SNX24: variants seen among roughly 807,000 people sequenced by gnomAD.
SNX24 encodes the protein sorting nexin-24.
Under a neutral mutation model 28.7 loss-of-function variants are expected in SNX24, and 22 were observed. That is an observed-to-expected ratio of 0.77 (90% CI 0.55 to 1.10). The LOEUF is 1.10. SNX24 is among the 50% of genes least tolerant of loss of function. SNX24 has a pLI of 0.00. For missense variants in SNX24, 221 were observed against 201.1 expected (o/e 1.10, Z -0.60); for synonymous variants, 69 against 71.5 (o/e 0.96, Z 0.18).
At chr5:122,994,066 G>A (rs1761964686) in intron 3 of SNX24, among the ~76,000 whole-genome samples, 1 of 152,162 alleles carries the variant, frequency 6.6e-6, no homozygotes, top group Non-Finnish European at 1.5e-5. Context: ...GTGTGTGTGT[G>A]TATGTGTTTT....
intron 1 of SNX24, among the ~76,000 whole-genome samples, chr5:122,858,252 G>C (rs1278377434): frequency 6.6e-6 from 1 of 152,140 alleles, no homozygotes; most frequent in Non-Finnish European, 1.5e-5. Flanking sequence ...AAATAATAAT[G>C]GAAGAGTTTT....
chr5:122,958,811 C>T (rs572393345), intron 3 of SNX24, among the ~76,000 whole-genome samples: 1 of 152,222 alleles, frequency 6.6e-6, no homozygotes, highest in Non-Finnish European at 1.5e-5. Flanking sequence ...CTGCCTGCCT[C>T]AGCCTTCTAA....
At chr5:123,010,445 C>T (rs370558866), downstream of SNX24, among the ~76,000 whole-genome samples, 9 of 152,124 alleles carry the variant, frequency 5.9e-5, no homozygotes, top group South Asian at 4.2e-4. Flanking sequence ...CATGCCACCA[C>T]GCCTGGCTAA....
chr5:122,850,425 G>C (rs189778053), intron 1 of SNX24, among the ~76,000 whole-genome samples: 1 of 152,282 alleles, frequency 6.6e-6, no homozygotes, highest in Non-Finnish European at 1.5e-5. Flanking sequence ...TAGAATTTCA[G>C]CATGAGAATT....
chr5:122,864,447 G>C (rs899437558), intron 1 of SNX24, among the ~76,000 whole-genome samples: 1 of 152,214 alleles, frequency 6.6e-6, no homozygotes, highest in Admixed American at 6.5e-5. Context: ...CAGGGGAACC[G>C]CAACAGAGAA....
At chr5:122,983,253 A>G (rs960703721) in intron 3 of SNX24, among the ~76,000 whole-genome samples, 12 of 146,670 alleles carry the variant, frequency 8.2e-5, no homozygotes, top group Non-Finnish European at 1.5e-4. Flanking sequence ...CTTTCCTTCT[A>G]TTCCTTCCTT....
At chr5:123,009,818 G>A (rs913539350), downstream of SNX24, among the ~76,000 whole-genome samples, 73 of 152,196 alleles carry the variant, frequency 4.8e-4, no homozygotes, top group Non-Finnish European at 1.3e-4. Context: ...ATTCCAGAAT[G>A]CCCCAGCAAC....
chr5:122,880,141 A>T (rs1411715747), intron 1 of SNX24, among the ~76,000 whole-genome samples: 2 of 152,234 alleles, frequency 1.3e-5, no homozygotes, highest in Admixed American at 1.3e-4. Flanking sequence ...AAATTAAAAT[A>T]TGTGAAGCAG....
chr5:122,981,420 CT>C (rs1761387449), intron 3 of SNX24, among the ~76,000 whole-genome samples: 1 of 152,008 alleles, frequency 6.6e-6, no homozygotes, highest in East Asian at 1.9e-4. Flanking sequence ...AAAAGATGTA[CT>C]TTTAAAAAGG....
At chr5:122,853,328 C>T (rs1454990162) in intron 1 of SNX24, among the ~76,000 whole-genome samples, 5 of 151,878 alleles carry the variant, frequency 3.3e-5, no homozygotes, top group Admixed American at 6.6e-5. Flanking sequence ...GGGGTTTCAC[C>T]GTGTTAGCCA....
chr5:122,987,584 C>A (rs755809984), intron 3 of SNX24, among the ~76,000 whole-genome samples: 2 of 152,168 alleles, frequency 1.3e-5, no homozygotes, highest in Admixed American at 6.5e-5. Flanking sequence ...CAGAACTGAG[C>A]TGTCCCGAGT....
chr5:122,905,686 T>G (rs1372239589), intron 1 of SNX24, among the ~76,000 whole-genome samples: 1 of 152,226 alleles, frequency 6.6e-6, no homozygotes. Context: ...ATTGGAGATC[T>G]GTCCAAACTT....
At chr5:122,854,278 G>A (rs1188493352) in intron 1 of SNX24, among the ~76,000 whole-genome samples, 1 of 152,142 alleles carries the variant, frequency 6.6e-6, no homozygotes, top group Non-Finnish European at 1.5e-5. Flanking sequence ...GGAGGCTGAG[G>A]CGGGTGGATC....
At chr5:122,941,099 G>GAGT (rs1267502010) in intron 2 of SNX24, among the ~76,000 whole-genome samples, 1 of 152,132 alleles carries the variant, frequency 6.6e-6, no homozygotes, top group East Asian at 1.9e-4. Flanking sequence ...AGTACCAGAT[G>GAGT]CTATGACACC....
At chr5:122,916,077 A>G (rs947664791) in intron 1 of SNX24, among the ~76,000 whole-genome samples, 2 of 152,244 alleles carry the variant, frequency 1.3e-5, no homozygotes, top group African/African-American at 4.8e-5. Context: ...TACACATAAA[A>G]GTGATCAATA....
At position 123,000,001 on chromosome 5, in the gene SNX24, T is replaced by C; in HGVS notation, c.339T>C (p.Ser113=). Reference sequence around the variant, plus strand: ...TGCCCTCTCTACCAAAGGCAGAAAGTTGTGGGTAAGAATCATGTTTGCATA... The same window carrying C: ...TGCCCTCTCTACCAAAGGCAGAAAGCTGTGGGTAAGAATCATGTTTGCATA... The part of the protein sequence containing the change: ...RHLPSLPKAE[S]CGSFDETESE... The change falls in exon 4 of 7, where the codon AGT becomes AGC. Residue 113 remains serine, a synonymous_variant. Coordinates refer to ENST00000261369, the MANE Select transcript of SNX24 (RefSeq NM_014035.4). 1 of 1,595,988 alleles carries C rather than the reference T, an allele frequency of 6.3e-7. No individual in the cohort carries two copies.
At chr5:122,860,696 A>T (rs886414810) in intron 1 of SNX24, among the ~76,000 whole-genome samples, 2 of 152,148 alleles carry the variant, frequency 1.3e-5, no homozygotes, top group Non-Finnish European at 2.9e-5. Flanking sequence ...TCCCGGGTTC[A>T]CGCCATTCTC....
At chr5:123,013,898 T>A (rs925925072), downstream of SNX24, among the ~76,000 whole-genome samples, 3 of 152,226 alleles carry the variant, frequency 2.0e-5, no homozygotes, top group African/African-American at 7.2e-5. Flanking sequence ...TGCCCCATTT[T>A]ACTGAAGAAG....
At position 122,994,662 on chromosome 5, in the gene SNX24, A is replaced by G. The variant is rs565448094; in HGVS notation, c.250-5250A>G. On this transcript the variant is annotated intron_variant, in intron 3 of 6. Coordinates refer to ENST00000261369, the MANE Select transcript of SNX24 (RefSeq NM_014035.4). ...AGCATTTCTTCTGAAGTAAACATTG[A>G]GCTTACAGGGGCTGTTGGTGGTAAT... Among the ~76,000 whole-genome samples the G allele has an allele frequency of 3.9e-5, 6 of 152,236 alleles. No individual in the cohort carries two copies. In the East Asian group the frequency reaches 1.2e-3, roughly 29 times the overall value.
Sources: allele counts gnomAD v4.1 joint callset (sites outside exome capture counted in the v4.1 genomes callset), GRCh38; gene constraint gnomAD v4.1.1; transcripts MANE v1.5; gene names NCBI Gene and HGNC (gene_info 2026-07-23, HGNC 2026-07-21).